Variants in SEC22C observed in about 807,000 individuals in gnomAD.
SEC22C encodes the protein vesicle-trafficking protein SEC22c.
A neutral mutation model predicts 34.7 loss-of-function variants in SEC22C; 29 were observed. That is an observed-to-expected ratio of 0.84 (90% CI 0.62 to 1.14). The LOEUF (loss-of-function observed/expected upper bound fraction) is 1.14, where lower values mean the gene tolerates loss of function less well. SEC22C is among the 50% of genes most tolerant of loss of function. SEC22C has a pLI of 0.00. For synonymous variants in SEC22C, 117 were observed against 132.8 expected (o/e 0.88, Z 0.82); for missense variants, 337 against 369.0 (o/e 0.91, Z 0.71).
upstream of SEC22C, chr3:42,582,137 G>A (rs1577361342): frequency 3.3e-5 from 5 of 152,358 alleles, no homozygotes; most frequent in Non-Finnish European, 1.5e-5. Flanking sequence ...CAAACGGAGA[G>A]GGAGTGTGAC....
intron 4 of SEC22C, 62 bp from the exon 5 acceptor site, chr3:42,557,758 A>C: frequency 1.2e-6 from 1 of 830,382 alleles, no homozygotes; most frequent in Non-Finnish European, 2.1e-6. Flanking sequence ...AGAAAAATAA[A>C]CGAAGACATT....
chr3:42,599,110 C>A (rs1011317453), intron 1 of SEC22C, among the ~76,000 whole-genome samples: 6 of 151,422 alleles, frequency 4.0e-5, no homozygotes, highest in Non-Finnish European at 5.9e-5. Context: ...GGACTACGGG[C>A]GACCGCCACC....
At position 42,552,738 on chromosome 3, in the gene SEC22C, C is replaced by T. The variant is rs1371479269; in HGVS notation, c.*510G>A. ...ACCTAAGATATTGAAAAAATGTAAA[C>T]AAAATTTATCTAGCTTACATTTATG... is the stretch of plus-strand genomic sequence containing the variant. On this transcript the variant is annotated 3_prime_UTR_variant, in exon 7 of 7. Coordinates refer to ENST00000264454, the MANE Select transcript of SEC22C (RefSeq NM_032970.4). 1 of 980,982 alleles carries T rather than the reference C, an allele frequency of 1.0e-6. No individual in the cohort carries two copies. The highest frequency in any genetic ancestry group is 1.8e-5 in the African/African-American group (1 of 56,886). 60.8% of individuals were successfully genotyped at this position (980,982 alleles called of 1,614,324 possible). A position where few individuals can be genotyped will look rare whatever the true frequency, so the allele number is the denominator to read the frequency against.
At chr3:42,594,141 A>G (rs586082) in intron 1 of SEC22C, among the ~76,000 whole-genome samples, 67,641 of 152,124 alleles carry the variant, frequency 0.44, 17,392 homozygotes, top group African/African-American at 0.7. Flanking sequence ...TCAGGCTGTT[A>G]TGTGGAGAAT....
In SEC22C at chr3:42,557,569, A is replaced by T. The variant is rs1272382459; in HGVS notation, c.645+9T>A. 3 of 1,378,012 alleles carry T rather than the reference A, an allele frequency of 2.2e-6. No individual in the cohort carries two copies. The highest frequency in any genetic ancestry group is 3.0e-6 in the Non-Finnish European group (3 of 1,001,186). 85.4% of individuals were successfully genotyped at this position (1,378,012 alleles called of 1,614,324 possible). On this transcript the variant is annotated intron_variant, in intron 5 of 6. Transcript: ENST00000264454. Reference sequence around the variant, plus strand: ...ATTTAAACTGTTTTAAAAAAAAAAAAAAGGTTACCTGTAAAGAATGTTCTG... The same window carrying T: ...ATTTAAACTGTTTTAAAAAAAAAAATAAGGTTACCTGTAAAGAATGTTCTG...
At chr3:42,580,253 AAG>A (rs755439657) in intron 1 of SEC22C, among the ~76,000 whole-genome samples, 1 of 152,226 alleles carries the variant, frequency 6.6e-6, no homozygotes, top group Non-Finnish European at 1.5e-5. Flanking sequence ...GACAGAAAGA[AAG>A]AGAAAAACAG....
At chr3:42,592,875 C>T (rs1241375116) in intron 1 of SEC22C, among the ~76,000 whole-genome samples, 1 of 152,146 alleles carries the variant, frequency 6.6e-6, no homozygotes, top group South Asian at 2.1e-4. Context: ...CTACCCCCCC[C>T]ACCGTAAACT....
chr3:42,595,027 A>G (rs1234369790), intron 1 of SEC22C: 2 of 152,356 alleles, frequency 1.3e-5, no homozygotes, highest in Admixed American at 6.5e-5. Flanking sequence ...TTTTCATGTA[A>G]TAAGTATTCC....
At chr3:42,553,909 G>A (rs2068278) in intron 6 of SEC22C, among the ~76,000 whole-genome samples, 2 of 151,864 alleles carry the variant, frequency 1.3e-5, no homozygotes, top group Non-Finnish European at 2.9e-5. Flanking sequence ...CCTGAGCCAC[G>A]ACTACATTGA....
At chr3:42,555,107 C>T (rs62248843) in intron 6 of SEC22C, among the ~76,000 whole-genome samples, 12,907 of 151,954 alleles carry the variant, frequency 0.085, 743 homozygotes, top group Middle Eastern at 0.21. Context: ...GCACTTTGGG[C>T]GGCCGAGGCG....
intron 1 of SEC22C, chr3:42,600,357 C>G (rs1428826688): frequency 6.6e-6 from 1 of 152,216 alleles, no homozygotes; most frequent in African/African-American, 2.4e-5. Flanking sequence ...TCACAGCGCT[C>G]GGAAACAGAG....
At chr3:42,567,103 G>A (rs1559520880) in intron 2 of SEC22C, among the ~76,000 whole-genome samples, 1 of 152,204 alleles carries the variant, frequency 6.6e-6, no homozygotes, top group East Asian at 1.9e-4. Flanking sequence ...TAGAGATGGG[G>A]TCTTATCATA....
At chr3:42,591,566 G>T in intron 1 of SEC22C, 2 of 1,614,082 alleles carry the variant, frequency 1.2e-6, no homozygotes, top group Non-Finnish European at 1.7e-6. Flanking sequence ...GTATTGTGGA[G>T]TATCAGAACA....
chr3:42,600,776 C>T (rs992180877), intron 1 of SEC22C: 1 of 372,624 alleles, frequency 2.7e-6, no homozygotes. Flanking sequence ...GGAGGCCAGC[C>T]AGGTGAAGAG....
At chr3:42,585,995 C>T (rs55784280), upstream of SEC22C, among the ~76,000 whole-genome samples, 1,554 of 152,172 alleles carry the variant, frequency 0.01, 9 homozygotes, top group Non-Finnish European at 0.012. Context: ...GAAAGAGCAA[C>T]CATCAAAGTG....
At chr3:42,593,585 A>G (rs1390644934) in intron 1 of SEC22C, among the ~76,000 whole-genome samples, 1 of 152,128 alleles carries the variant, frequency 6.6e-6, no homozygotes, top group African/African-American at 2.4e-5. Flanking sequence ...CCAAGGGACA[A>G]TTGTACTCCT....
chr3:42,567,152 T>C (rs985697859), intron 2 of SEC22C, among the ~76,000 whole-genome samples: 3 of 152,198 alleles, frequency 2.0e-5, no homozygotes, highest in African/African-American at 4.8e-5. Context: ...TCTTCCCGCC[T>C]CAGCCTCCCA....
At chr3:42,560,610 C>A (rs951569067) in intron 4 of SEC22C, among the ~76,000 whole-genome samples, 3 of 151,976 alleles carry the variant, frequency 2.0e-5, no homozygotes, top group African/African-American at 4.8e-5. Context: ...AATAGTTTCC[C>A]CTCAAACCAA....
chr3:42,563,585 G>T lies in SEC22C; in HGVS notation c.284C>A (p.Thr95Lys). 3 of 1,614,168 alleles carry T rather than the reference G, an allele frequency of 1.9e-6. No homozygotes were observed. Among genetic ancestry groups the T allele is most frequent in the Non-Finnish European group, 2.5e-6 (3 of 1,179,962 alleles). Residue 95 changes from threonine to lysine, a missense_variant, in exon 3 of 7, where the codon ACA (threonine) becomes AAA (lysine). Transcript: ENST00000264454. ...CFLETLWWEF[T>K]ASYDTTCIGL... ...AATGCAGGTAGTGTCATAGGAAGCT[G>T]TGAATTCCCACCACAGGGTCTCCAG...
Sources: allele counts gnomAD v4.1 joint callset (sites outside exome capture counted in the v4.1 genomes callset), GRCh38; gene constraint gnomAD v4.1.1; transcripts MANE v1.5; gene names NCBI Gene and HGNC (gene_info 2026-07-23, HGNC 2026-07-21).